DGKB: variants seen among roughly 807,000 people sequenced by gnomAD.
The protein encoded by DGKB is 90 kDa diacylglycerol kinase.
In DGKB, 67 loss-of-function variants were observed where a neutral mutation model predicts 114.3. The observed-to-expected ratio is 0.59, with a 90% CI of 0.48 to 0.72. The LOEUF is 0.72. Among genes scored for constraint, DGKB ranks in the 30% least tolerant of loss-of-function variants. DGKB has a pLI of 0.00. For missense variants in DGKB, 907 were observed against 975.2 expected, an observed-to-expected ratio of 0.93 and a Z score of 0.93; for synonymous variants, 398 against 323.1, an observed-to-expected ratio of 1.23 and a Z score of -2.49.
chr7:14,341,929 T>C (rs746542390), intron 22 of DGKB, among the ~76,000 whole-genome samples: 74 of 152,030 alleles, frequency 4.9e-4, no homozygotes, highest in Admixed American at 2.0e-3. Context: ...ATAGTAGGTC[T>C]GATTCTATGT....
intron 20 of DGKB, among the ~76,000 whole-genome samples, chr7:14,559,077 T>A (rs1276457570): frequency 6.6e-6 from 1 of 152,220 alleles, no homozygotes; most frequent in Non-Finnish European, 1.5e-5. Flanking sequence ...CTAGGATGTG[T>A]TCCCTGTGAC....
At chr7:14,231,501 T>C (rs1791838595) in intron 23 of DGKB, among the ~76,000 whole-genome samples, 1 of 152,026 alleles carries the variant, frequency 6.6e-6, no homozygotes, top group Admixed American at 6.6e-5. Flanking sequence ...TTGAAAGAGA[T>C]ATATCAGAAA....
chr7:14,916,205 A>G (rs1293644631), intron 1 of DGKB, among the ~76,000 whole-genome samples: 1 of 151,922 alleles, frequency 6.6e-6, no homozygotes, highest in Non-Finnish European at 1.5e-5. Flanking sequence ...GAAGTATAAT[A>G]ATATAATAAA....
At position 14,248,166 on chromosome 7, in the gene DGKB, G is replaced by A. The variant is rs368777439; in HGVS notation, c.2123-70015C>T. On this transcript the variant is annotated intron_variant, in intron 23 of 25. Transcript: ENST00000402815. ...TGAAAGATCAATTGACCACAAATGA[G>A]TGGATTTATTTCTGGGCTATTTTGT... 3.6e-4 allele frequency among the ~76,000 whole-genome samples: 55 copies of A among 152,192 alleles called. No homozygotes were observed. The South Asian group carries it at 8.1e-3, about 22-fold the overall frequency.
chr7:14,295,563 C>A (rs957241983), intron 23 of DGKB, among the ~76,000 whole-genome samples: 1 of 151,680 alleles, frequency 6.6e-6, no homozygotes, highest in African/African-American at 2.4e-5. Flanking sequence ...TGGAGACTCA[C>A]CTATTTTTTT....
intron 25 of DGKB, among the ~76,000 whole-genome samples, chr7:14,172,492 G>A (rs900144682): frequency 6.6e-6 from 1 of 152,098 alleles, no homozygotes; most frequent in Admixed American, 6.5e-5. Context: ...ATATGGACAC[G>A]TAAATTGGAT....
intron 20 of DGKB, among the ~76,000 whole-genome samples, chr7:14,561,751 A>C (rs1796690721): frequency 6.6e-6 from 1 of 152,204 alleles, no homozygotes; most frequent in Non-Finnish European, 1.5e-5. Flanking sequence ...AGAAATTTCT[A>C]AGTGGCAAAG....
At chr7:14,808,276 T>C (rs1842998053) in intron 2 of DGKB, among the ~76,000 whole-genome samples, 1 of 152,066 alleles carries the variant, frequency 6.6e-6, no homozygotes, top group Non-Finnish European at 1.5e-5. Context: ...GAAAATAGCA[T>C]TATGAAGCAA....
intron 25 of DGKB, among the ~76,000 whole-genome samples, chr7:14,150,076 T>C (rs960953990): frequency 1.3e-5 from 2 of 152,162 alleles, no homozygotes; most frequent in African/African-American, 2.4e-5. Context: ...TCTGTGACTT[T>C]AAGATACATT....
At chr7:14,710,120 T>A (rs992561548) in intron 6 of DGKB, among the ~76,000 whole-genome samples, 2 of 152,056 alleles carry the variant, frequency 1.3e-5, no homozygotes, top group African/African-American at 2.4e-5. Context: ...TGGGGGAGAA[T>A]CTTTAAAATG....
intron 23 of DGKB, among the ~76,000 whole-genome samples, chr7:14,265,792 A>T (rs1797427400): frequency 6.6e-6 from 1 of 152,190 alleles, no homozygotes; most frequent in Admixed American, 6.5e-5. Context: ...AAATGAATGA[A>T]TTAAAAATGA....
At chr7:14,830,150 T>TAA (rs5882466) in intron 2 of DGKB, among the ~76,000 whole-genome samples, 3 of 151,792 alleles carry the variant, frequency 2.0e-5, no homozygotes, top group Non-Finnish European at 4.4e-5. Context: ...CAGTACTTTT[T>TAA]AAAAAAAATT....
intron 23 of DGKB, among the ~76,000 whole-genome samples, chr7:14,325,131 C>T (rs751596903): frequency 1.6e-4 from 24 of 152,250 alleles, no homozygotes; most frequent in Admixed American, 6.5e-5. Context: ...CTGTACTTTC[C>T]CTTACAGCCA....
chr7:14,470,044 A>G (rs1438940374), intron 21 of DGKB, among the ~76,000 whole-genome samples: 3 of 151,848 alleles, frequency 2.0e-5, no homozygotes, highest in African/African-American at 7.2e-5. Context: ...ACAAATTTCA[A>G]AAATTTCATT....
At chr7:14,657,337 T>C (rs192902606) in intron 13 of DGKB, among the ~76,000 whole-genome samples, 41 of 151,924 alleles carry the variant, frequency 2.7e-4, no homozygotes, top group Non-Finnish European at 1.0e-4. Flanking sequence ...AAATTGAGTC[T>C]GAGTTAGATT....
chr7:14,701,103 T>G (rs1025355896), intron 7 of DGKB, among the ~76,000 whole-genome samples: 27 of 121,890 alleles, frequency 2.2e-4, no homozygotes, highest in African/African-American at 6.7e-4. Context: ...ATAAAGATGG[T>G]ATTTTCTTAT....
intron 21 of DGKB, among the ~76,000 whole-genome samples, chr7:14,443,274 G>A (rs866886377): frequency 3.9e-5 from 6 of 152,052 alleles, no homozygotes; most frequent in African/African-American, 9.7e-5. Context: ...AAAGTTACAC[G>A]TTCGAATTTT....
intron 1 of DGKB, among the ~76,000 whole-genome samples, chr7:14,913,981 A>T (rs374809951): frequency 6.6e-6 from 1 of 152,168 alleles, no homozygotes; most frequent in Non-Finnish European, 1.5e-5. Context: ...AACTGGTATT[A>T]ATAGTTAAAT....
intron 20 of DGKB, among the ~76,000 whole-genome samples, chr7:14,497,931 T>C (rs1785543001): frequency 6.6e-6 from 1 of 151,904 alleles, no homozygotes; most frequent in Admixed American, 6.6e-5. Context: ...GCTCATTTTC[T>C]AGCACTCAAA....
Sources: allele counts gnomAD v4.1 joint callset (sites outside exome capture counted in the v4.1 genomes callset), GRCh38; gene constraint gnomAD v4.1.1; transcripts MANE v1.5; gene names NCBI Gene and HGNC (gene_info 2026-07-23, HGNC 2026-07-21).